Variants in ACSL4 observed in about 807,000 individuals in gnomAD.
The protein encoded by ACSL4 is long-chain-fatty-acid--CoA ligase 4.
A neutral mutation model predicts 49.1 loss-of-function variants in ACSL4; 9 were observed. That is an observed-to-expected ratio of 0.18 (90% CI 0.11 to 0.32). The LOEUF (loss-of-function observed/expected upper bound fraction) is 0.32, where lower values mean the gene tolerates loss of function less well. ACSL4 is among the 10% of genes least tolerant of loss of function. ACSL4 has a pLI of 1.00. For synonymous variants in ACSL4, 191 were observed against 170.3 expected, an observed-to-expected ratio of 1.12 and a Z score of -0.95; for missense variants, 333 against 493.7, an observed-to-expected ratio of 0.67 and a Z score of 3.08.
chrX:109,681,200 T>C, intron 5 of ACSL4, 64 bp from the exon 6 acceptor site: 1 of 1,201,507 alleles, frequency 8.3e-7, no homozygotes, highest in Admixed American at 2.2e-5. Context: ...ATTCACTTAC[T>C]GAATGAATAT....
At chrX:109,698,248 A>C (rs1222950633) in intron 1 of ACSL4, among the ~76,000 whole-genome samples, 1 of 112,167 alleles carries the variant, frequency 8.9e-6, no homozygotes, top group Non-Finnish European at 1.9e-5. Context: ...AGAAAAGGAA[A>C]CCAAATCACA....
At position 109,656,946 on chromosome X, in the gene ACSL4, G is replaced by A. The variant is rs1371978970; in HGVS notation, c.1855+2408C>T. On this transcript the variant is annotated intron_variant, in intron 15 of 15. Transcript: ENST00000672401. The stretch of plus-strand genomic sequence containing the variant: ...CCTGAAACTCTCTTAGCAGTGGTCT[G>A]CATGGGCATTGCTCTCCTGGCATCT... Among the ~76,000 whole-genome samples, 6 of 111,658 alleles carry A rather than the reference G, an allele frequency of 5.4e-5. No homozygotes were observed. The East Asian group carries it at 1.7e-3, about 31-fold the overall frequency.
chrX:109,687,397 T>TA (rs1362660363), intron 2 of ACSL4, among the ~76,000 whole-genome samples: 3 of 111,955 alleles, frequency 2.7e-5, no homozygotes, highest in South Asian at 3.7e-4. Flanking sequence ...TATGCAGCCA[T>TA]AAAAAACAAT....
At chrX:109,728,394 T>A (rs1928171640) in intron 1 of ACSL4, among the ~76,000 whole-genome samples, 1 of 112,858 alleles carries the variant, frequency 8.9e-6, no homozygotes, top group African/African-American at 3.2e-5. Flanking sequence ...TTTTTTGGAT[T>A]ACTTACCAAA....
chrX:109,717,670 G>A (rs986665476), intron 1 of ACSL4, among the ~76,000 whole-genome samples: 3 of 110,900 alleles, frequency 2.7e-5, no homozygotes, highest in Admixed American at 9.6e-5. Context: ...GGGCAGTGCC[G>A]GTAAGAGCAA....
chrX:109,708,914 C>T (rs976951885), intron 1 of ACSL4, among the ~76,000 whole-genome samples: 2 of 111,829 alleles, frequency 1.8e-5, no homozygotes, highest in African/African-American at 6.5e-5. Context: ...GATACTCAAC[C>T]TGTAATAGCA....
intron 1 of ACSL4, among the ~76,000 whole-genome samples, chrX:109,726,446 A>C (rs1294092352): frequency 8.9e-6 from 1 of 111,963 alleles, no homozygotes; most frequent in Non-Finnish European, 1.9e-5. Context: ...ACCAACCAAC[A>C]AACAAAAAAA....
intron 1 of ACSL4, among the ~76,000 whole-genome samples, chrX:109,696,696 T>G (rs779119472): frequency 8.9e-6 from 1 of 112,631 alleles, no homozygotes; most frequent in South Asian, 3.6e-4. Context: ...TAAATATATT[T>G]CCATCTTTTT....
intron 1 of ACSL4, among the ~76,000 whole-genome samples, chrX:109,723,135 TAG>T (rs1189522993): frequency 9.0e-6 from 1 of 111,578 alleles, no homozygotes; most frequent in African/African-American, 3.3e-5. Flanking sequence ...ACATTTACAG[TAG>T]AGTGTTGTTG....
At chrX:109,707,685 T>C (rs1207226751) in intron 1 of ACSL4, among the ~76,000 whole-genome samples, 3 of 110,784 alleles carry the variant, frequency 2.7e-5, no homozygotes, top group Admixed American at 9.6e-5. Context: ...ACAGTCATCA[T>C]GGTGGTATGG....
At chrX:109,700,985 G>A (rs1043728251) in intron 1 of ACSL4, among the ~76,000 whole-genome samples, 1 of 110,704 alleles carries the variant, frequency 9.0e-6, no homozygotes, top group Non-Finnish European at 1.9e-5. Context: ...AGAGGCTGCC[G>A]TGAGCCGAGA....
rs1934460970 is a variant in ACSL4 at position 109,642,100 on chromosome X, C to CCT, written c.*1928_*1929insAG. On this transcript the variant is annotated 3_prime_UTR_variant, in exon 16 of 16. Coordinates refer to ENST00000672401, the MANE Select transcript of ACSL4 (RefSeq NM_001318510.2). Reference sequence around the variant, plus strand: ...TTATGTGTTTCTAAAGGACCTATAACAGATCAGTTGGCAGTGTTCTAGCTT... The same window carrying CCT: ...TTATGTGTTTCTAAAGGACCTATAACCTAGATCAGTTGGCAGTGTTCTAGCTT... 1 of 111,631 alleles carries CCT rather than the reference C, an allele frequency of 9.0e-6. No individual in the cohort carries two copies. The highest frequency in any genetic ancestry group is 1.9e-5 in the Non-Finnish European group (1 of 53,021). The allele number at this position is 111,631 out of a possible 1,213,427, so 9.2% of individuals were successfully genotyped here.
intron 1 of ACSL4, among the ~76,000 whole-genome samples, chrX:109,729,292 T>C (rs1235076967): frequency 1.8e-5 from 2 of 111,831 alleles, no homozygotes; most frequent in East Asian, 5.6e-4. Flanking sequence ...AGACATGAAC[T>C]GATATTTCAC....
intron 15 of ACSL4, among the ~76,000 whole-genome samples, chrX:109,648,700 A>C (rs1414564614): frequency 9.2e-6 from 1 of 108,429 alleles, no homozygotes; most frequent in Non-Finnish European, 1.9e-5. Context: ...GAAGGAAATA[A>C]AGGGTATTCA....
At chrX:109,667,550 A>C (rs1922771231) in intron 11 of ACSL4, among the ~76,000 whole-genome samples, 1 of 112,476 alleles carries the variant, frequency 8.9e-6, no homozygotes, top group South Asian at 3.6e-4. Context: ...TAGAGAAAGA[A>C]GACTAAAGGA....
At chrX:109,720,432 T>G (rs1254484321) in intron 1 of ACSL4, among the ~76,000 whole-genome samples, 1 of 111,868 alleles carries the variant, frequency 8.9e-6, no homozygotes, top group Non-Finnish European at 1.9e-5. Context: ...AAAACCTGCT[T>G]CCACATAAAA....
chrX:109,648,399 T>C (rs1934839311), intron 15 of ACSL4, among the ~76,000 whole-genome samples: 1 of 111,774 alleles, frequency 8.9e-6, no homozygotes, highest in African/African-American at 3.3e-5. Flanking sequence ...TAATCCAGTA[T>C]ATAAACAGAA....
chrX:109,668,424 T>C (rs1394206488), intron 10 of ACSL4, 151 bp from the exon 11 acceptor site: 2 of 422,610 alleles, frequency 4.7e-6, no homozygotes, highest in Non-Finnish European at 3.8e-6. Flanking sequence ...AGGCAACAAC[T>C]AGTAACGCCT....
At chrX:109,644,756 C>T (rs1316561936) in intron 15 of ACSL4, among the ~76,000 whole-genome samples, 1 of 112,891 alleles carries the variant, frequency 8.9e-6, no homozygotes, top group African/African-American at 3.2e-5. Flanking sequence ...TTCTGCATTT[C>T]CATCTGAGGT....
Sources: allele counts gnomAD v4.1 joint callset (sites outside exome capture counted in the v4.1 genomes callset), GRCh38; gene constraint gnomAD v4.1.1; transcripts MANE v1.5; gene names NCBI Gene and HGNC (gene_info 2026-07-23, HGNC 2026-07-21).